The following OCIAD1 variants were observed in gnomAD, a reference collection of about 807,000 sequenced individuals.
The protein encoded by OCIAD1 is OCIA domain-containing protein 1.
A neutral mutation model predicts 38.9 loss-of-function variants in OCIAD1; 29 were observed. The ratio of observed to expected loss-of-function variants is 0.74; its 90% CI spans 0.55 to 1.02. The LOEUF is 1.02. Ranked by LOEUF, OCIAD1 falls within the 50% of genes least tolerant of loss-of-function variation. The pLI, the probability that OCIAD1 is intolerant of heterozygous loss-of-function variation, is 0.00. For missense variants in OCIAD1, 288 were observed against 289.6 expected, an observed-to-expected ratio of 0.99 and a Z score of 0.04; for synonymous variants, 110 against 92.0, an observed-to-expected ratio of 1.20 and a Z score of -1.12.
chr4:48,853,173 C>T (rs1391692565), intron 7 of OCIAD1, among the ~76,000 whole-genome samples: 1 of 151,996 alleles, frequency 6.6e-6, no homozygotes, highest in Admixed American at 6.6e-5. Flanking sequence ...GCCACTGCCC[C>T]CGGCCTGTTT....
intron 8 of OCIAD1, among the ~76,000 whole-genome samples, chr4:48,858,303 T>C (rs565187462): frequency 6.6e-6 from 1 of 152,332 alleles, no homozygotes; most frequent in East Asian, 1.9e-4. Flanking sequence ...ATAGTCTTAT[T>C]TTCCTAATGA....
intron 7 of OCIAD1, among the ~76,000 whole-genome samples, chr4:48,853,019 G>T (rs111788413): frequency 6.6e-6 from 1 of 151,368 alleles, no homozygotes; most frequent in Non-Finnish European, 1.5e-5. Flanking sequence ...AGCTGGGACT[G>T]CAGGTGCCCG....
chr4:48,846,477 G>A (rs1778988458), intron 4 of OCIAD1, among the ~76,000 whole-genome samples: 2 of 152,168 alleles, frequency 1.3e-5, no homozygotes, highest in South Asian at 2.1e-4. Flanking sequence ...GGCCGGGTAC[G>A]GTGGCTCATG....
At chr4:48,828,126 G>T (rs1322725742), upstream of OCIAD1, among the ~76,000 whole-genome samples, 1 of 152,160 alleles carries the variant, frequency 6.6e-6, no homozygotes, top group African/African-American at 2.4e-5. Context: ...TCTAGGGAAA[G>T]GTTTGTAAAT....
At chr4:48,840,767 T>A (rs1204321163) in intron 3 of OCIAD1, among the ~76,000 whole-genome samples, 2 of 142,240 alleles carry the variant, frequency 1.4e-5, no homozygotes, top group East Asian at 4.1e-4. Flanking sequence ...GAGGCTGAGG[T>A]GGGCTGATTA....
At chr4:48,831,827 T>C (rs1040509293) in intron 1 of OCIAD1, among the ~76,000 whole-genome samples, 6 of 152,174 alleles carry the variant, frequency 3.9e-5, no homozygotes, top group Non-Finnish European at 8.8e-5. Context: ...CTGAATGAAT[T>C]ATGGAAGGGC....
intron 3 of OCIAD1, among the ~76,000 whole-genome samples, chr4:48,841,397 G>A (rs571423882): frequency 7.9e-5 from 12 of 152,266 alleles, no homozygotes; most frequent in South Asian, 4.1e-4. Context: ...GGTGAAGTCC[G>A]GCGGAAACCA....
intron 3 of OCIAD1, among the ~76,000 whole-genome samples, chr4:48,836,199 C>T (rs377392608): frequency 1.3e-4 from 20 of 151,852 alleles, no homozygotes; most frequent in South Asian, 8.3e-4. Context: ...ATGTAGTCAA[C>T]GATGAGATAT....
In OCIAD1 at chr4:48,848,736, A is replaced by G. The variant is rs1268068796; in HGVS notation, c.241+290A>G. On this transcript the variant is annotated intron_variant, in intron 5 of 8. Coordinates refer to ENST00000264312, the MANE Select transcript of OCIAD1 (RefSeq NM_017830.4). ...TTGAAAATAAATTTTTGGTCTGTCT[A>G]TGGGGAAACAAAGTTATGAAGATAT... The G allele has an allele frequency of 9.4e-5, 19 of 202,766 alleles. 1 individual carries two copies. Among genetic ancestry groups the G allele is most frequent in the Admixed American group, 8.9e-4 (15 of 16,888 alleles). The allele number at this position is 202,766 out of a possible 1,614,324, so 12.6% of individuals were successfully genotyped here.
intron 1 of OCIAD1, among the ~76,000 whole-genome samples, chr4:48,817,893 T>A (rs1298961068): frequency 1.3e-5 from 2 of 152,090 alleles, no homozygotes; most frequent in East Asian, 3.8e-4. Context: ...GAAGGAAAGG[T>A]AACAGCCCTA....
upstream of OCIAD1, chr4:48,830,919 C>T (rs1330424397): frequency 6.4e-6 from 1 of 156,494 alleles, no homozygotes; most frequent in African/African-American, 2.4e-5. Context: ...TGGTCCGCCG[C>T]TGTCGCCTGC....
intron 3 of OCIAD1, among the ~76,000 whole-genome samples, chr4:48,840,313 A>G (rs1778402788): frequency 1.3e-5 from 2 of 152,264 alleles, no homozygotes; most frequent in Admixed American, 6.5e-5. Flanking sequence ...CCTTGAGTCA[A>G]GCTGGAGAAA....
chr4:48,816,756 A>T (rs1014088449), intron 1 of OCIAD1, among the ~76,000 whole-genome samples: 1 of 151,928 alleles, frequency 6.6e-6, no homozygotes, highest in Non-Finnish European at 1.5e-5. Flanking sequence ...GGAACACCCG[A>T]GATCAGGAGT....
intron 1 of OCIAD1, among the ~76,000 whole-genome samples, chr4:48,815,205 C>T (rs1777133075): frequency 6.6e-6 from 1 of 152,130 alleles, no homozygotes; most frequent in African/African-American, 2.4e-5. Context: ...CCCAGCTAGT[C>T]AGGAGACTGA....
chr4:48,808,997 A>T (rs1330508846), intron 1 of OCIAD1, among the ~76,000 whole-genome samples: 1 of 152,010 alleles, frequency 6.6e-6, no homozygotes, highest in Non-Finnish European at 1.5e-5. Flanking sequence ...TGTTTTTATG[A>T]TTTCTTAAAT....
At chr4:48,806,147 G>A (rs1777021442) in intron 1 of OCIAD1, among the ~76,000 whole-genome samples, 1 of 152,060 alleles carries the variant, frequency 6.6e-6, no homozygotes, top group Non-Finnish European at 1.5e-5. Flanking sequence ...GGCGCCTGTA[G>A]TCCCAGCTAC....
chr4:48,817,729 G>A (rs34642326), intron 1 of OCIAD1, among the ~76,000 whole-genome samples: 1,883 of 152,314 alleles, frequency 0.012, 13 homozygotes, highest in Non-Finnish European at 0.019. Context: ...TGGAATAATC[G>A]AGCTTGGTGT....
chr4:48,812,082 AGACCAGCCT>A (rs531584048), intron 1 of OCIAD1, among the ~76,000 whole-genome samples: 58 of 152,062 alleles, frequency 3.8e-4, no homozygotes, highest in African/African-American at 1.3e-3. Flanking sequence ...CAGGAGTTCA[AGACCAGCCT>A]GGCCAAGGGT....
rs540190611 is a variant in OCIAD1, at chr4:48,832,683, G to A, written c.58+1G>A. On this transcript the variant is annotated splice_donor_variant, in intron 2 of 8. Coordinates refer to ENST00000264312, the MANE Select transcript of OCIAD1 (RefSeq NM_017830.4). LOFTEE classifies it high-confidence loss of function. ...GCAGAGGTTCCAAGACCAATTCCCC[G>A]TAACTATCTATTAAGTATTTATAAT... is the stretch of plus-strand genomic sequence containing the variant. The A allele has an allele frequency of 5.0e-6, 8 of 1,604,750 alleles. No individual in the cohort carries two copies. Among genetic ancestry groups the A allele is most frequent in the African/African-American group, 4.0e-5 (3 of 74,860 alleles).
Sources: allele counts gnomAD v4.1 joint callset (sites outside exome capture counted in the v4.1 genomes callset), GRCh38; gene constraint gnomAD v4.1.1; transcripts MANE v1.5; gene names NCBI Gene and HGNC (gene_info 2026-07-23, HGNC 2026-07-21).